Variants in FAT3 observed in about 807,000 individuals in gnomAD.
FAT3 encodes the protein protocadherin Fat 3.
In FAT3, 95 loss-of-function variants were observed where a neutral mutation model predicts 310.2. That is an observed-to-expected ratio of 0.31 (90% confidence interval 0.26 to 0.36). The LOEUF (loss-of-function observed/expected upper bound fraction) is 0.36, where lower values mean the gene tolerates loss of function less well. Among genes scored for constraint, FAT3 ranks in the 10% least tolerant of loss-of-function variants. FAT3 has a pLI of 1.00. For synonymous variants in FAT3, 2,314 were observed against 2,192.9 expected, an observed-to-expected ratio of 1.06 and a Z score of -1.54; for missense variants, 5,408 against 5,715.6, an observed-to-expected ratio of 0.95 and a Z score of 1.74.
intron 3 of FAT3, among the ~76,000 whole-genome samples, chr11:92,573,369 C>A (rs1938288672): frequency 6.6e-6 from 1 of 152,102 alleles, no homozygotes; most frequent in Non-Finnish European, 1.5e-5. Context: ...CTCTCAGTGG[C>A]CCCTAGTAAC....
intron 1 of FAT3, among the ~76,000 whole-genome samples, chr11:92,335,688 C>CT (rs1193273695): frequency 2.0e-5 from 3 of 151,864 alleles, no homozygotes; most frequent in South Asian, 4.1e-4. Context: ...AGTATATGCA[C>CT]TTTTTTTTGC....
At chr11:92,854,541 G>A (rs1245912328) in intron 19 of FAT3, among the ~76,000 whole-genome samples, 1 of 152,146 alleles carries the variant, frequency 6.6e-6, no homozygotes, top group Non-Finnish European at 1.5e-5. Context: ...TACCAGGGTG[G>A]GACTGATGGT....
chr11:92,293,635 CAATTAGACA>C (rs1197987830), intron 1 of FAT3, among the ~76,000 whole-genome samples: 3 of 149,074 alleles, frequency 2.0e-5, no homozygotes, highest in African/African-American at 7.4e-5. Flanking sequence ...CCTAATTGAG[CAATTAGACA>C]ATGATGGTCA....
chr11:92,720,464 A>G (rs182268468), intron 4 of FAT3, among the ~76,000 whole-genome samples: 7 of 152,356 alleles, frequency 4.6e-5, no homozygotes, highest in Admixed American at 2.6e-4. Context: ...GTTCGTTTCT[A>G]TAAAATGAAT....
At chr11:92,470,004 C>T (rs1050762531) in intron 2 of FAT3, among the ~76,000 whole-genome samples, 1 of 152,152 alleles carries the variant, frequency 6.6e-6, no homozygotes, top group African/African-American at 2.4e-5. Context: ...AGAAGGAACA[C>T]TATATTCCCA....
intron 4 of FAT3, among the ~76,000 whole-genome samples, chr11:92,729,712 A>G (rs1945117091): frequency 6.6e-6 from 1 of 152,200 alleles, no homozygotes; most frequent in Admixed American, 6.5e-5. Flanking sequence ...GGCGTGAGCC[A>G]CTGCACCTGG....
chr11:92,305,233 A>G (rs753115151), intron 1 of FAT3, among the ~76,000 whole-genome samples: 1 of 152,134 alleles, frequency 6.6e-6, no homozygotes, highest in African/African-American at 2.4e-5. Context: ...CTTATTTTAT[A>G]GATAAACCAG....
intron 25 of FAT3, among the ~76,000 whole-genome samples, chr11:92,888,642 G>T (rs1470697226): frequency 6.6e-6 from 1 of 152,160 alleles, no homozygotes; most frequent in Admixed American, 6.5e-5. Flanking sequence ...GCCAAATGCT[G>T]ACTTCTGTCC....
chr11:92,654,597 C>T (rs1478485924), intron 3 of FAT3, among the ~76,000 whole-genome samples: 1 of 152,178 alleles, frequency 6.6e-6, no homozygotes, highest in Non-Finnish European at 1.5e-5. Flanking sequence ...ATTTATCTCT[C>T]TCTTTTTCTT....
chr11:92,702,239 C>A (rs1487858585), intron 4 of FAT3, among the ~76,000 whole-genome samples: 1 of 152,154 alleles, frequency 6.6e-6, no homozygotes, highest in African/African-American at 2.4e-5. Flanking sequence ...TTAGTCATCT[C>A]TGTATACAAG....
intron 7 of FAT3, among the ~76,000 whole-genome samples, chr11:92,787,724 AAAT>A (rs1946930406): frequency 6.6e-6 from 1 of 150,778 alleles, no homozygotes; most frequent in South Asian, 2.1e-4. Context: ...AAGAACTACA[AAAT>A]AATATTAAAA....
rs576136304 is a variant in FAT3 at position 92,444,859 on chromosome 11, C to G, written c.3293-79775C>G. Among the ~76,000 whole-genome samples the G allele has an allele frequency of 2.0e-5, 3 of 152,292 alleles. No individual in the cohort carries two copies. The South Asian group carries it at 6.2e-4, about 32-fold the overall frequency. Reference sequence around the variant, plus strand: ...TGAAATGTAATGACTACAACCCTTTCAATGGCTTCCGTCTTAGAAGAAAAA... The same window carrying G: ...TGAAATGTAATGACTACAACCCTTTGAATGGCTTCCGTCTTAGAAGAAAAA... On this transcript the variant is annotated intron_variant, in intron 2 of 27. Transcript: ENST00000525166.
At chr11:92,835,135 A>G (rs1184239773) in intron 15 of FAT3, 51 bp downstream of exon 15, 1 of 1,484,102 alleles carries the variant, frequency 6.7e-7, no homozygotes, top group African/African-American at 1.4e-5. Context: ...CTAGTCATCC[A>G]CAATAAAGTG....
intron 1 of FAT3, among the ~76,000 whole-genome samples, chr11:92,288,477 A>T (rs1565203290): frequency 6.6e-6 from 1 of 152,254 alleles, no homozygotes; most frequent in East Asian, 1.9e-4. Flanking sequence ...TAAACCAGTC[A>T]GTACCTGAGT....
At chr11:92,689,915 A>G (rs1159063545) in intron 3 of FAT3, among the ~76,000 whole-genome samples, 2 of 152,148 alleles carry the variant, frequency 1.3e-5, no homozygotes, top group Non-Finnish European at 2.9e-5. Flanking sequence ...GACTTGACCC[A>G]AATGCTTCTA....
chr11:92,590,589 A>G (rs568959666), intron 3 of FAT3, among the ~76,000 whole-genome samples: 110 of 152,290 alleles, frequency 7.2e-4, no homozygotes, highest in Admixed American at 3.5e-3. Flanking sequence ...GTCAAACCCT[A>G]AAAATAGCTG....
intron 3 of FAT3, among the ~76,000 whole-genome samples, chr11:92,549,344 T>G (rs562600228): frequency 6.6e-6 from 1 of 152,334 alleles, no homozygotes; most frequent in African/African-American, 2.4e-5. Context: ...CAAACTGTTT[T>G]CTGCTGCTTT....
At chr11:92,547,146 G>T (rs1954643354) in intron 3 of FAT3, among the ~76,000 whole-genome samples, 1 of 152,112 alleles carries the variant, frequency 6.6e-6, no homozygotes, top group African/African-American at 2.4e-5. Context: ...TGAAGTTCTG[G>T]CTGGAAGCTT....
rs200376587 is a variant in FAT3 at position 92,530,793 on chromosome 11, AG to A, written c.3607+5846del. Among the ~76,000 whole-genome samples the A allele has an allele frequency of 5.3e-5, 8 of 152,250 alleles. No homozygotes were observed. The East Asian group carries it at 1.5e-3, about 29-fold the overall frequency. On this transcript the variant is annotated intron_variant, in intron 3 of 27. Coordinates refer to ENST00000525166, the MANE Select transcript of FAT3 (RefSeq NM_001367949.2). ...ATAATTTGTTATCTTAGGTAAGTTA[AG>A]CCTTGTGTTTATGCACAGTTCCATG...
Sources: allele counts gnomAD v4.1 joint callset (sites outside exome capture counted in the v4.1 genomes callset), GRCh38; gene constraint gnomAD v4.1.1; transcripts MANE v1.5; gene names NCBI Gene and HGNC (gene_info 2026-07-23, HGNC 2026-07-21).